Variants in UTP18 observed in about 807,000 individuals in gnomAD.
The protein encoded by UTP18 is UTP18 small subunit processome component, also known as U3 small nucleolar RNA-associated protein 18 homolog.
Under a neutral mutation model 61.1 loss-of-function variants are expected in UTP18, and 36 were observed. That is an observed-to-expected ratio of 0.59 (90% CI 0.45 to 0.78). UTP18 has a LOEUF of 0.78. Among genes scored for constraint, UTP18 ranks in the 30% least tolerant of loss-of-function variants. UTP18 has a pLI of 0.00. For synonymous variants in UTP18, 282 were observed against 251.1 expected (o/e 1.12, Z -1.16); for missense variants, 753 against 693.9 (o/e 1.09, Z -0.96).
In UTP18 at chr17:51,275,800, C is replaced by T. The variant is rs1904700896; in HGVS notation, c.712-66C>T. On this transcript the variant is annotated intron_variant, in intron 5 of 13. Coordinates refer to ENST00000225298, the MANE Select transcript of UTP18 (RefSeq NM_016001.3). ...ATTATAAACTGTAATGTCTTTTCTT[C>T]TTACTCTAAAGAAAATAATGTTTAT... The T allele has an allele frequency of 3.8e-6, 5 of 1,305,830 alleles. No individual in the cohort carries two copies. In the South Asian group the frequency reaches 7.4e-5, roughly 19 times the overall value. 80.9% of individuals were successfully genotyped at this position (1,305,830 alleles called of 1,614,324 possible). A position where few individuals can be genotyped will look rare whatever the true frequency, so the allele number is the denominator to read the frequency against.
chr17:51,266,159 A>G, intron 2 of UTP18, 23 bp from the exon 3 acceptor site: 1 of 1,524,592 alleles, frequency 6.6e-7, no homozygotes, highest in Non-Finnish European at 8.8e-7. Context: ...AGTTATTTAA[A>G]ATATGCTGTT....
chr17:51,285,821 G>A (rs1204026523), intron 10 of UTP18, among the ~76,000 whole-genome samples: 1 of 152,182 alleles, frequency 6.6e-6, no homozygotes, highest in Non-Finnish European at 1.5e-5. Flanking sequence ...CACAGTTTGA[G>A]GCATCCACTG....
At position 51,260,552 on chromosome 17, in the gene UTP18, C is replaced by G; in HGVS notation, c.-33C>G. Reference sequence around the variant, plus strand: ...TGGGCGCATGCGCAGCGAGGTTCCACGTGAGCGCCTGCGTTTCTCCTCAAA... The same window carrying G: ...TGGGCGCATGCGCAGCGAGGTTCCAGGTGAGCGCCTGCGTTTCTCCTCAAA... On this transcript the variant is annotated 5_prime_UTR_variant, in exon 1 of 14. Transcript: ENST00000225298. 1 of 1,593,508 alleles carries G rather than the reference C, an allele frequency of 6.3e-7. No homozygotes were observed. Among genetic ancestry groups the G allele is most frequent in the Non-Finnish European group, 8.5e-7 (1 of 1,171,880 alleles).
intron 1 of UTP18, among the ~76,000 whole-genome samples, chr17:51,261,216 G>T (rs2055466682): frequency 6.6e-6 from 1 of 152,200 alleles, no homozygotes; most frequent in African/African-American, 2.4e-5. Context: ...GCTGCTGCTC[G>T]ACTCCGCTAG....
At position 51,280,037 on chromosome 17, in the gene UTP18, G is replaced by A. The variant is rs540424243; in HGVS notation, c.1045G>A (p.Val349Ile). 8.7e-6 allele frequency: 14 copies of A among 1,613,968 alleles called. No individual in the cohort carries two copies. The highest frequency in any genetic ancestry group is 3.3e-4 in the Middle Eastern group (2 of 6,048). ...AGAGAAGATAGTGAGGAGCTTTGAA[G>A]TCTCCCCAGATGGGTCCTTCTTGCT... The part of the protein sequence containing the change: ...LKEKIVRSFE[V>I]SPDGSFLLIN... Residue 349 changes from valine to isoleucine, a missense_variant, in exon 8 of 14, where the codon GTC becomes ATC. By Grantham distance (29) the Val-to-Ile change is conservative. Coordinates refer to ENST00000225298, the MANE Select transcript of UTP18 (RefSeq NM_016001.3).
chr17:51,274,216 C>T (rs980323948), intron 5 of UTP18, among the ~76,000 whole-genome samples: 3 of 152,158 alleles, frequency 2.0e-5, no homozygotes, highest in African/African-American at 7.2e-5. Flanking sequence ...TAATGGCTAG[C>T]TCATTCTTAC....
At position 51,280,110 on chromosome 17, in the gene UTP18, A is replaced by G; in HGVS notation, c.1113+5A>G. The G allele has an allele frequency of 1.2e-6, 2 of 1,611,792 alleles. No individual in the cohort carries two copies. Among genetic ancestry groups the G allele is most frequent in the East Asian group, 4.5e-5 (2 of 44,882 alleles). ...TTGCATTTGCTAGCAATGAAGGTAA[A>G]GCATTATTATTGCTTCTTGTTCTTC... On this transcript the variant is annotated splice_donor_5th_base_variant and intron_variant, in intron 8 of 13. Coordinates refer to ENST00000225298, the MANE Select transcript of UTP18 (RefSeq NM_016001.3).
intron 2 of UTP18, 21 bp from the exon 3 acceptor site, chr17:51,266,161 T>TA: frequency 6.6e-7 from 1 of 1,525,578 alleles, no homozygotes; most frequent in South Asian, 1.3e-5. Context: ...TTATTTAAAA[T>TA]ATGCTGTTCT....
chr17:51,266,199 A>G lies in UTP18; in HGVS notation c.473A>G (p.Asn158Ser), dbSNP rs200723298. 3.5e-4 allele frequency: 557 copies of G among 1,595,568 alleles called. 4 individuals carry two copies. The South Asian group carries it at 4.8e-3, about 14-fold the overall frequency. Residue 158 changes from asparagine to serine, a missense_variant, in exon 3 of 14, where the codon AAT becomes AGT. By Grantham distance (46) the Asn-to-Ser change is conservative. Transcript: ENST00000225298. ...EDEEMVDMMN[N>S]RFRKDMMKNA... is the part of the protein sequence containing the mutation. ...TTTTGTAGGGTTGACATGATGAACA[A>G]TCGGTTTCGGAAGGATATGATGAAA...
intron 2 of UTP18, 45 bp downstream of exon 2, chr17:51,263,431 A>C (rs778823120): frequency 7.2e-7 from 1 of 1,393,484 alleles, no homozygotes. Context: ...TACACTTAAA[A>C]AAGTTATTTT....
chr17:51,286,494 G>C (rs1337547957), intron 10 of UTP18: 3 of 456,078 alleles, frequency 6.6e-6, no homozygotes, highest in African/African-American at 2.0e-5. Context: ...TTAAAACTGG[G>C]GAAACTGCTT....
At chr17:51,281,722 G>A (rs1375963755) in intron 9 of UTP18, among the ~76,000 whole-genome samples, 1 of 152,070 alleles carries the variant, frequency 6.6e-6, no homozygotes, top group Non-Finnish European at 1.5e-5. Flanking sequence ...TGTTAACATT[G>A]GGGGGGAACT....
chr17:51,273,362 A>G lies in UTP18; in HGVS notation c.623A>G (p.Asp208Gly). ...ETTKRKTSSDDESEEDEDDLL... is the reference protein window; with the variant it reads ...ETTKRKTSSDGESEEDEDDLL... ...AGCCTTCTGGGTTTGTTTGACTTAG[A>G]TGAAAGTGAAGAGGATGAAGATGAT... The change falls in exon 5 of 14, where the codon GAT becomes GGT. Residue 208 changes from aspartate (D) to glycine (G), a missense_variant and splice_region_variant. Asp to Gly is a moderately conservative substitution (Grantham distance 94). Coordinates refer to ENST00000225298, the MANE Select transcript of UTP18 (RefSeq NM_016001.3). 1 of 1,606,394 alleles carries G rather than the reference A, an allele frequency of 6.2e-7. No homozygotes were observed. The highest frequency in any genetic ancestry group is 2.3e-5 in the East Asian group (1 of 44,356).
intron 12 of UTP18, among the ~76,000 whole-genome samples, 175 bp downstream of exon 12, chr17:51,294,220 T>TG (rs1381695543): frequency 6.6e-6 from 1 of 152,218 alleles, no homozygotes; most frequent in South Asian, 2.1e-4. Context: ...TTATTATACT[T>TG]TAAGTTTTAG....
chr17:51,285,386 C>T lies in UTP18; in HGVS notation c.1328+18C>T. ...GCTTGTGGGTAAGTAAAGAGAGGTT[C>T]TTGTAACCTTAATCACATTGTGCTA... On this transcript the variant is annotated intron_variant, in intron 10 of 13. Coordinates refer to ENST00000225298, the MANE Select transcript of UTP18 (RefSeq NM_016001.3). 1 of 1,609,190 alleles carries T rather than the reference C, an allele frequency of 6.2e-7. No homozygotes were observed. Among genetic ancestry groups the T allele is most frequent in the Non-Finnish European group, 8.5e-7 (1 of 1,176,438 alleles).
At position 51,260,707 on chromosome 17, in the gene UTP18, G is replaced by A; in HGVS notation, c.123G>A (p.Lys41=). The change falls in exon 1 of 14, where the codon AAG becomes AAA. Residue 41 remains lysine (K), a synonymous_variant. Coordinates refer to ENST00000225298, the MANE Select transcript of UTP18 (RefSeq NM_016001.3). ...CGGGGCCAGGCGGGCCTCCCCAAAAGCCTGCCCCTTCATCCCAGCGGAAAC... is the reference window on the plus strand; with the variant it reads ...CGGGGCCAGGCGGGCCTCCCCAAAAACCTGCCCCTTCATCCCAGCGGAAAC... ...AGAGPGGPPQ[K]PAPSSQRKPP... 2 of 1,603,020 alleles carry A rather than the reference G, an allele frequency of 1.2e-6. No homozygotes were observed. The highest frequency in any genetic ancestry group is 8.5e-7 in the Non-Finnish European group (1 of 1,175,788).
At chr17:51,290,144 G>A (rs1229951422) in intron 11 of UTP18, among the ~76,000 whole-genome samples, 3 of 148,702 alleles carry the variant, frequency 2.0e-5, no homozygotes, top group Admixed American at 1.3e-4. Context: ...CGCTGGGCAC[G>A]GTGGCTCAGA....
At chr17:51,272,970 G>A (rs1904577184) in intron 4 of UTP18, among the ~76,000 whole-genome samples, 1 of 152,204 alleles carries the variant, frequency 6.6e-6, no homozygotes, top group South Asian at 2.1e-4. Flanking sequence ...TTTTATTCAT[G>A]TGAGTTGTTA....
intron 12 of UTP18, among the ~76,000 whole-genome samples, chr17:51,296,075 A>T (rs543055264): frequency 7.3e-4 from 111 of 152,364 alleles, no homozygotes; most frequent in African/African-American, 2.6e-3. Flanking sequence ...ACCAAAACTT[A>T]TATGCGCTGT....
Sources: gnomAD v4.1 joint callset for allele counts (sites outside exome capture counted in the v4.1 genomes callset) on GRCh38, gnomAD v4.1.1 for gene constraint, MANE v1.5 for transcripts, NCBI Gene and HGNC (gene_info 2026-07-23, HGNC 2026-07-21) for gene names.